The following GAL3ST4 variants were observed in gnomAD, a reference collection of about 807,000 sequenced individuals.
GAL3ST4 encodes the protein galactose-3-O-sulfotransferase 4, also known as beta-galactose-3-O-sulfotransferase 4.
GAL3ST4 carries 30 observed loss-of-function variants against 31.6 expected under a neutral mutation model. The observed-to-expected ratio is 0.95, with a 90% CI of 0.71 to 1.29. The LOEUF is 1.29. Among genes scored for constraint, GAL3ST4 ranks in the 50% most tolerant of loss-of-function variants. GAL3ST4 has a pLI of 0.00. For synonymous variants in GAL3ST4, 248 were observed against 256.9 expected (o/e 0.97, Z 0.33); for missense variants, 629 against 625.2 (o/e 1.01, Z -0.06).
intron 3 of GAL3ST4, among the ~76,000 whole-genome samples, chr7:100,163,391 C>T (rs1369433416): frequency 6.6e-6 from 1 of 151,862 alleles, no homozygotes; most frequent in Non-Finnish European, 1.5e-5. Context: ...TGACTTCCAT[C>T]ATTGAATCTG....
chr7:100,166,829 GTCCTGT>G, intron 2 of GAL3ST4, 24 bp from the exon 3 acceptor site: 1 of 1,575,694 alleles, frequency 6.3e-7, no homozygotes, highest in Non-Finnish European at 8.6e-7. Flanking sequence ...GAGGGGGAGT[GTCCTGT>G]TCCTCAGCAG....
intron 3 of GAL3ST4, among the ~76,000 whole-genome samples, chr7:100,165,096 G>A (rs924486767): frequency 2.4e-4 from 36 of 151,904 alleles, no homozygotes; most frequent in Admixed American, 1.1e-3. Flanking sequence ...GGATGGTCTC[G>A]ATCTCCTGAC....
At chr7:100,163,227 A>G (rs1479775198) in intron 3 of GAL3ST4, among the ~76,000 whole-genome samples, 3 of 152,300 alleles carry the variant, frequency 2.0e-5, no homozygotes, top group Admixed American at 2.0e-4. Context: ...GCTGCCTGGT[A>G]GGATGCTGCC....
Position 100,159,745 on chromosome 7 carries a change from G to C in GAL3ST4, c.*183C>G. On this transcript the variant is annotated 3_prime_UTR_variant, in exon 4 of 4. Coordinates refer to ENST00000360039, the MANE Select transcript of GAL3ST4 (RefSeq NM_024637.5). ...AAAAAAAAAAAAAGTTGGGGGGAAA[G>C]AACAAAATGAGTGGAGGGTGGAGGA... 1 of 567,962 alleles carries C rather than the reference G, an allele frequency of 1.8e-6. No homozygotes were observed. The highest frequency in any genetic ancestry group is 3.0e-6 in the Non-Finnish European group (1 of 328,024). The allele number at this position is 567,962 out of a possible 1,614,324, so 35.2% of individuals were successfully genotyped here. A position where few individuals can be genotyped will look rare whatever the true frequency, so the allele number is the denominator to read the frequency against.
intron 3 of GAL3ST4, among the ~76,000 whole-genome samples, chr7:100,164,448 T>A (rs547667909): frequency 6.6e-6 from 1 of 152,132 alleles, no homozygotes; most frequent in Non-Finnish European, 1.5e-5. Flanking sequence ...GCGGATCACT[T>A]GAGGTCAGGA....
chr7:100,163,154 C>T (rs2116971598), intron 3 of GAL3ST4, among the ~76,000 whole-genome samples: 1 of 152,310 alleles, frequency 6.6e-6, no homozygotes, highest in African/African-American at 2.4e-5. Context: ...TAAAGCACTT[C>T]AGGGTCTCCT....
intron 3 of GAL3ST4, among the ~76,000 whole-genome samples, chr7:100,161,840 A>G (rs187773936): frequency 6.6e-6 from 1 of 152,276 alleles, no homozygotes; most frequent in African/African-American, 2.4e-5. Context: ...CTACTCCAGT[A>G]AACTAACAAA....
chr7:100,166,825 G>A lies in GAL3ST4; in HGVS notation c.126-20C>T. 2 of 1,581,108 alleles carry A rather than the reference G, an allele frequency of 1.3e-6. No homozygotes were observed. Among genetic ancestry groups the A allele is most frequent in the East Asian group, 2.3e-5 (1 of 43,702 alleles). Reference sequence around the variant, plus strand: ...GGTAGCCTGGGAAGAGATGGAGGGGGAGTGTCCTGTTCCTCAGCAGCAAAT... The same window carrying A: ...GGTAGCCTGGGAAGAGATGGAGGGGAAGTGTCCTGTTCCTCAGCAGCAAAT... On this transcript the variant is annotated intron_variant, in intron 2 of 3. Transcript: ENST00000360039.
chr7:100,165,819 T>TCACACACACACACACACACACA (rs61284255), intron 3 of GAL3ST4, among the ~76,000 whole-genome samples: 5 of 136,282 alleles, frequency 3.7e-5, no homozygotes, highest in Non-Finnish European at 7.8e-5. Context: ...AGACCCTGTC[T>TCACACACACACACACACACACA]CACACACACA....
intron 3 of GAL3ST4, among the ~76,000 whole-genome samples, chr7:100,164,974 A>T (rs1799050932): frequency 6.7e-6 from 1 of 148,868 alleles, no homozygotes. Context: ...TCCCAGGTTC[A>T]TGCCATTTTC....
Position 100,159,720 on chromosome 7 carries a change from A to AG in GAL3ST4, c.*207_*208insC, listed in dbSNP as rs550366866. On this transcript the variant is annotated 3_prime_UTR_variant, in exon 4 of 4. Coordinates refer to ENST00000360039, the MANE Select transcript of GAL3ST4 (RefSeq NM_024637.5). The stretch of plus-strand genomic sequence containing the variant: ...GGGGGACAGAGCAAGACTCCGTTTC[A>AG]AAAAAAAAAAAAGTTGGGGGGAAAG... The AG allele has an allele frequency of 1.0e-3, 185 of 180,642 alleles. 1 individual carries two copies. Among genetic ancestry groups the AG allele is most frequent in the African/African-American group, 5.1e-3 (167 of 33,008 alleles). 11.2% of individuals were successfully genotyped at this position (180,642 alleles called of 1,614,324 possible). A position where few individuals can be genotyped will look rare whatever the true frequency, so the allele number is the denominator to read the frequency against.
At chr7:100,161,772 T>C (rs184034993) in intron 3 of GAL3ST4, among the ~76,000 whole-genome samples, 4 of 151,970 alleles carry the variant, frequency 2.6e-5, no homozygotes, top group African/African-American at 4.8e-5. Context: ...AATGAGATAA[T>C]GTCCTTTGCA....
chr7:100,162,964 C>G (rs1240274148), intron 3 of GAL3ST4, among the ~76,000 whole-genome samples: 1 of 152,144 alleles, frequency 6.6e-6, no homozygotes. Flanking sequence ...TTAATTTCCT[C>G]GGGCATTTCT....
rs1437919275 is a variant in GAL3ST4, at chr7:100,159,687, T to G, written c.*241A>C. 2.3e-6 allele frequency: 1 copy of G among 440,644 alleles called. No homozygotes were observed. The highest frequency in any genetic ancestry group is 4.0e-6 in the Non-Finnish European group (1 of 247,580). 27.3% of individuals were successfully genotyped at this position (440,644 alleles called of 1,614,324 possible). On this transcript the variant is annotated 3_prime_UTR_variant, in exon 4 of 4. Transcript: ENST00000360039. ...GTGAGCCGAGATCATGCCACTGCAC[T>G]CCAGCCTGGGGGACAGAGCAAGACT...
Position 100,160,159 on chromosome 7 carries a change from C to T in GAL3ST4, c.1230G>A (p.Gly410=), listed in dbSNP as rs1331207439. The change falls in exon 4 of 4, where the codon GGG becomes GGA. Residue 410 remains glycine, a synonymous_variant. Coordinates refer to ENST00000360039, the MANE Select transcript of GAL3ST4 (RefSeq NM_024637.5). The part of the protein sequence containing the change: ...REALAKHCLV[G]GEASDPKYIT... The stretch of plus-strand genomic sequence containing the variant: ...TGTATTTGGGGTCAGAAGCCTCACC[C>T]CCTACCAGACAATGTTTCGCTAGGG... 1.7e-5 allele frequency: 28 copies of T among 1,613,960 alleles called. No individual in the cohort carries two copies. Among genetic ancestry groups the T allele is most frequent in the Non-Finnish European group, 2.4e-5 (28 of 1,179,898 alleles).
At position 100,166,971 on chromosome 7, in the gene GAL3ST4, C is replaced by T. The variant is rs148457505; in HGVS notation, c.125G>A (p.Arg42Lys). The T allele has an allele frequency of 5.0e-6, 8 of 1,592,812 alleles. No individual in the cohort carries two copies. In the Admixed American group the frequency reaches 5.4e-5, roughly 11 times the overall value. Residue 42 changes from arginine (R) to lysine (K), a missense_variant and splice_region_variant, in exon 2 of 4, where the codon AGG (arginine) becomes AAG (lysine). Transcript: ENST00000360039. Reference sequence around the variant, plus strand: ...GAGTTGGGGCAAAGTGGGAACTCACCTCCTCTGGAAGGGCCCTCCCAAGAG... The same window carrying T: ...GAGTTGGGGCAAAGTGGGAACTCACTTCCTCTGGAAGGGCCCTCCCAAGAG... ...LQLLGGPFQR[R>K]LPGLQLRQPS...
rs555925545 is a variant in GAL3ST4, at chr7:100,161,039, C to G, written c.430-80G>C. The stretch of plus-strand genomic sequence containing the variant: ...TAAGTATGCACAAGCCATGTGTCCG[C>G]TGACCAGCCTCCTGAAACCTCCTCC... On this transcript the variant is annotated intron_variant, in intron 3 of 3. Coordinates refer to ENST00000360039, the MANE Select transcript of GAL3ST4 (RefSeq NM_024637.5). 15 of 1,259,686 alleles carry G rather than the reference C, an allele frequency of 1.2e-5. No individual in the cohort carries two copies. In the African/African-American group the frequency reaches 1.9e-4, roughly 16 times the overall value. 78.0% of individuals were successfully genotyped at this position (1,259,686 alleles called of 1,614,324 possible).
intron 1 of GAL3ST4, chr7:100,167,894 T>G (rs921272968): frequency 6.6e-6 from 1 of 152,090 alleles, no homozygotes; most frequent in African/African-American, 2.4e-5. Flanking sequence ...GTGTGGCTAC[T>G]TATAAAGCCC....
In GAL3ST4 at chr7:100,160,363, A is replaced by G. The variant is rs749491187; in HGVS notation, c.1026T>C (p.Thr342=). The change falls in exon 4 of 4, where the codon ACT becomes ACC. Residue 342 remains threonine, a synonymous_variant. Coordinates refer to ENST00000360039, the MANE Select transcript of GAL3ST4 (RefSeq NM_024637.5). ...CCGCAGTCAGTCCACTGTTGCTGAC[A>G]GTGCTGAGGCCCTGCTTATGTCCAG... is the stretch of plus-strand genomic sequence containing the variant. ...AQAGHKQGLS[T]VSNSGLTAED... 13 of 1,614,104 alleles carry G rather than the reference A, an allele frequency of 8.1e-6. No individual in the cohort carries two copies. In the South Asian group the frequency reaches 1.1e-4, roughly 14 times the overall value.
Sources: gnomAD v4.1 joint callset for allele counts (sites outside exome capture counted in the v4.1 genomes callset) on GRCh38, gnomAD v4.1.1 for gene constraint, MANE v1.5 for transcripts, NCBI Gene and HGNC (gene_info 2026-07-23, HGNC 2026-07-21) for gene names.